Variants in ESR1 observed in about 807,000 individuals in gnomAD.
ESR1 encodes estrogen receptor 1.
In ESR1, 12 loss-of-function variants were observed where a neutral mutation model predicts 52.7. That is an observed-to-expected ratio of 0.23 (90% CI 0.15 to 0.37). The LOEUF is 0.37. ESR1 is among the 10% of genes least tolerant of loss of function. The pLI is 1.00. For missense variants in ESR1, 584 were observed against 779.7 expected (o/e 0.75, Z 2.99); for synonymous variants, 305 against 316.8 (o/e 0.96, Z 0.39).
At chr6:151,752,901 T>C (rs980248079) in intron 2 of ESR1, among the ~76,000 whole-genome samples, 1 of 152,216 alleles carries the variant, frequency 6.6e-6, no homozygotes, top group Non-Finnish European at 1.5e-5. Context: ...AATAGGCTAA[T>C]AATTCATTTC....
chr6:151,985,519 A>AC (rs2040385758), intron 4 of ESR1, among the ~76,000 whole-genome samples: 4 of 139,346 alleles, frequency 2.9e-5, no homozygotes, highest in South Asian at 2.3e-4. Context: ...AAAAAAAAAA[A>AC]AAAAAAAAAA....
intron 2 of ESR1, among the ~76,000 whole-genome samples, chr6:151,746,919 G>A (rs1783526348): frequency 6.6e-6 from 1 of 152,182 alleles, no homozygotes; most frequent in African/African-American, 2.4e-5. Flanking sequence ...GATTGTGGTG[G>A]CATTACATGA....
chr6:151,963,487 ACT>A (rs962040699), intron 4 of ESR1, among the ~76,000 whole-genome samples: 1 of 152,082 alleles, frequency 6.6e-6, no homozygotes, highest in Non-Finnish European at 1.5e-5. Flanking sequence ...AGAAAATGAA[ACT>A]CAGATATTCG....
intron 4 of ESR1, among the ~76,000 whole-genome samples, chr6:152,007,828 C>A (rs1303259277): frequency 6.6e-6 from 1 of 152,078 alleles, no homozygotes; most frequent in African/African-American, 2.4e-5. Context: ...CCTTATGTCC[C>A]GTAGCAGCTG....
chr6:151,759,755 C>T (rs184487217), intron 2 of ESR1, among the ~76,000 whole-genome samples: 85 of 152,182 alleles, frequency 5.6e-4, no homozygotes, highest in African/African-American at 2.0e-3. Flanking sequence ...AATATTTTTG[C>T]GGATGTATAT....
rs1784482750 is a variant in ESR1 at position 151,842,636 on chromosome 6, A to G, written c.492A>G (p.Arg164=). ...SDNRRQGGRE[R]LASTNDKGSM... is the part of the protein sequence containing the mutation. The stretch of plus-strand genomic sequence containing the variant: ...ATCGACGCCAGGGTGGCAGAGAAAG[A>G]TTGGCCAGTACCAATGACAAGGGAA... Residue 164 remains arginine (R), a synonymous_variant, in exon 2 of 8, where the codon AGA becomes AGG. Coordinates refer to ENST00000206249, the MANE Select transcript of ESR1 (RefSeq NM_000125.4). 6.2e-7 allele frequency: 1 copy of G among 1,613,818 alleles called. No individual in the cohort carries two copies.
chr6:152,032,592 A>G (rs2044823041), intron 5 of ESR1, among the ~76,000 whole-genome samples: 3 of 152,340 alleles, frequency 2.0e-5, no homozygotes, highest in Admixed American at 2.0e-4. Flanking sequence ...AGGGATGTGA[A>G]GGACCTCTTC....
intron 2 of ESR1, among the ~76,000 whole-genome samples, chr6:151,759,862 G>A (rs1784543554): frequency 6.6e-6 from 1 of 152,146 alleles, no homozygotes. Flanking sequence ...GATCCTTCAG[G>A]TATTAGGTTG....
intron 4 of ESR1, among the ~76,000 whole-genome samples, chr6:151,988,858 C>T (rs2040757922): frequency 6.6e-6 from 1 of 151,818 alleles, no homozygotes; most frequent in Non-Finnish European, 1.5e-5. Context: ...ATTTTATTTT[C>T]CAAACATTAA....
chr6:151,670,710 A>G lies in ESR1; in HGVS notation n.73+13947A>G, dbSNP rs555028648. On this transcript the variant is annotated intron_variant and non_coding_transcript_variant, in intron 1 of 2. Coordinates refer to the ESR1 transcript ENST00000473497. ...GTGATTCTCATGGCTCAGTCTCCTGAGTAACTGGGATTACAGGCTTGCGCC... is the reference window on the plus strand; with the variant it reads ...GTGATTCTCATGGCTCAGTCTCCTGGGTAACTGGGATTACAGGCTTGCGCC... Among the ~76,000 whole-genome samples, 215 of 149,026 alleles carry G rather than the reference A, an allele frequency of 1.4e-3. 1 individual carries two copies. Among genetic ancestry groups the G allele is most frequent in the African/African-American group, 5.2e-3 (208 of 40,380 alleles).
At position 151,874,984 on chromosome 6, in the gene ESR1, G is replaced by A. The variant is rs187121369; in HGVS notation, c.644-5671G>A. ...CTCCATAACCAACGTATTATAGCAG[G>A]GGAAAATGGCATTTTAATTCAGAAA... is the stretch of plus-strand genomic sequence containing the variant. On this transcript the variant is annotated intron_variant, in intron 2 of 7. Transcript: ENST00000206249. 1.2e-4 allele frequency among the ~76,000 whole-genome samples: 19 copies of A among 152,238 alleles called. No individual in the cohort carries two copies. The East Asian group carries it at 2.7e-3, about 22-fold the overall frequency.
At chr6:152,068,603 G>T (rs1371044641) in intron 6 of ESR1, among the ~76,000 whole-genome samples, 1 of 152,164 alleles carries the variant, frequency 6.6e-6, no homozygotes, top group Non-Finnish European at 1.5e-5. Flanking sequence ...AGAACACTCT[G>T]ATATTAATGT....
rs1022687180 is a variant in ESR1, at chr6:152,099,505, T to G, written c.*539T>G. ...TATGAAAGTGGTACACCTTAAAGCT[T>G]TTATATGACTGTAGCAGAGTATCTG... On this transcript the variant is annotated 3_prime_UTR_variant, in exon 8 of 8. Coordinates refer to ENST00000206249, the MANE Select transcript of ESR1 (RefSeq NM_000125.4). 6 of 259,902 alleles carry G rather than the reference T, an allele frequency of 2.3e-5. No homozygotes were observed. Among genetic ancestry groups the G allele is most frequent in the Non-Finnish European group, 3.8e-5 (5 of 132,734 alleles). 16.1% of individuals were successfully genotyped at this position (259,902 alleles called of 1,614,324 possible).
intron 2 of ESR1, among the ~76,000 whole-genome samples, chr6:151,779,362 TA>T (rs1305108186): frequency 6.6e-6 from 1 of 152,094 alleles, no homozygotes; most frequent in Non-Finnish European, 1.5e-5. Context: ...CCTTTCCCCA[TA>T]AGGATATGAA....
intron 3 of ESR1, among the ~76,000 whole-genome samples, chr6:151,916,506 G>T (rs2030231681): frequency 6.6e-6 from 1 of 152,124 alleles, no homozygotes; most frequent in Non-Finnish European, 1.5e-5. Flanking sequence ...TGGGGCAATA[G>T]GTACCTCCTT....
chr6:151,987,001 A>G (rs1469436791), intron 4 of ESR1, among the ~76,000 whole-genome samples: 1 of 152,028 alleles, frequency 6.6e-6, no homozygotes, highest in African/African-American at 2.4e-5. Context: ...GATTGGTTAC[A>G]ACAGCTGCCC....
chr6:152,105,267 A>G (rs1585268804), downstream of ESR1, among the ~76,000 whole-genome samples: 1 of 152,192 alleles, frequency 6.6e-6, no homozygotes, highest in Non-Finnish European at 1.5e-5. Context: ...GGTCAGAGGT[A>G]TAGGTGACAA....
intron 4 of ESR1, among the ~76,000 whole-genome samples, chr6:152,000,962 G>A (rs138065363): frequency 7.9e-5 from 12 of 152,064 alleles, no homozygotes; most frequent in East Asian, 5.8e-4. Context: ...AAACTAATAC[G>A]GTTACTCTTT....
intron 3 of ESR1, among the ~76,000 whole-genome samples, chr6:151,937,283 GTA>G (rs1346039725): frequency 6.6e-6 from 1 of 152,146 alleles, no homozygotes; most frequent in African/African-American, 2.4e-5. Flanking sequence ...AAAATGGCGG[GTA>G]TGAGATGACC....
Sources: allele counts gnomAD v4.1 joint callset (sites outside exome capture counted in the v4.1 genomes callset), GRCh38; gene constraint gnomAD v4.1.1; transcripts MANE v1.5; gene names NCBI Gene and HGNC (gene_info 2026-07-23, HGNC 2026-07-21).